Variants in BRSK1 observed in about 807,000 individuals in gnomAD.
BRSK1 encodes serine/threonine-protein kinase BRSK1.
A neutral mutation model predicts 86.2 loss-of-function variants in BRSK1; 17 were observed. The observed-to-expected ratio is 0.20, with a 90% CI of 0.14 to 0.30. The LOEUF (loss-of-function observed/expected upper bound fraction) is 0.30, where lower values mean the gene tolerates loss of function less well. BRSK1 is among the 10% of genes least tolerant of loss of function. The pLI is 1.00. For synonymous variants in BRSK1, 464 were observed against 440.1 expected (o/e 1.05, Z -0.68); for missense variants, 719 against 1,071.9 (o/e 0.67, Z 4.60).
intron 1 of BRSK1, among the ~76,000 whole-genome samples, chr19:55,286,223 GAAT>G (rs2088313884): frequency 6.8e-6 from 1 of 147,060 alleles, no homozygotes; most frequent in Non-Finnish European, 1.5e-5. Flanking sequence ...AGGGAGGATG[GAAT>G]GGGGGCCTGG....
Position 55,294,424 on chromosome 19 carries a change from T to C in BRSK1, c.678+27T>C. ...TAAGGCGCCCTCACCTCTCCTGTCATTTCTAGATCAATCCCACCTGGTGGG... is the reference window on the plus strand; with the variant it reads ...TAAGGCGCCCTCACCTCTCCTGTCACTTCTAGATCAATCCCACCTGGTGGG... On this transcript the variant is annotated intron_variant, in intron 7 of 18. Coordinates refer to ENST00000309383, the MANE Select transcript of BRSK1 (RefSeq NM_032430.2). This position sits in a 1 kb window ranked among gnomAD's most constrained non-coding sequence, Gnocchi z 4.9. 1 of 1,611,990 alleles carries C rather than the reference T, an allele frequency of 6.2e-7. No individual in the cohort carries two copies. Among genetic ancestry groups the C allele is most frequent in the Non-Finnish European group, 8.5e-7 (1 of 1,179,154 alleles).
In BRSK1 at chr19:55,284,286, C is replaced by CT; in HGVS notation, c.-156dup. On this transcript the variant is annotated 5_prime_UTR_variant, in exon 1 of 19. Transcript: ENST00000309383. ...CTCCCCCAGCTCCGCGGCCCGCCGA[C>CT]TGGGGGGGGCCAGCCCAGCCCCCTG... 1.7e-6 allele frequency: 1 copy of CT among 594,060 alleles called. No individual in the cohort carries two copies. The highest frequency in any genetic ancestry group is 1.9e-5 in the African/African-American group (1 of 51,800). The allele number at this position is 594,060 out of a possible 1,614,324, so 36.8% of individuals were successfully genotyped here.
In BRSK1 at chr19:55,303,962, C is replaced by T; in HGVS notation, c.1287-88C>T. 1.3e-6 allele frequency: 2 copies of T among 1,520,368 alleles called. No individual in the cohort carries two copies. The highest frequency in any genetic ancestry group is 1.8e-6 in the Non-Finnish European group (2 of 1,128,852). 94.2% of individuals were successfully genotyped at this position (1,520,368 alleles called of 1,614,324 possible). The stretch of plus-strand genomic sequence containing the variant: ...CCCTCTCTGGGCCTCATTTCCTCAC[C>T]TGGAAGGACTGTAGAAGTGAGGGAA... On this transcript the variant is annotated intron_variant, in intron 12 of 18. Transcript: ENST00000309383. The surrounding 1 kb of genome is among the most constrained non-coding windows in gnomAD (Gnocchi z 5.1).
chr19:55,300,790 A>G (rs2088559539), intron 7 of BRSK1, among the ~76,000 whole-genome samples: 1 of 152,206 alleles, frequency 6.6e-6, no homozygotes, highest in Non-Finnish European at 1.5e-5. Flanking sequence ...GCAGTCAGCC[A>G]AGAACACCTC....
At chr19:55,308,571 G>T in intron 17 of BRSK1, 68 bp from the exon 18 acceptor site, 1 of 1,193,704 alleles carries the variant, frequency 8.4e-7, no homozygotes, top group Non-Finnish European at 1.2e-6. Context: ...ACTGGGTTCT[G>T]CAGGCTGGGA....
At chr19:55,292,902 A>G (rs1351274439) in intron 4 of BRSK1, among the ~76,000 whole-genome samples, 1 of 151,854 alleles carries the variant, frequency 6.6e-6, no homozygotes, top group Non-Finnish European at 1.5e-5. Context: ...CAGCTACTCA[A>G]GAGGCTAAGG....
chr19:55,307,792 TAA>T (rs1179159266), intron 17 of BRSK1, among the ~76,000 whole-genome samples: 4 of 88,310 alleles, frequency 4.5e-5, no homozygotes, highest in African/African-American at 4.9e-5. Flanking sequence ...ACACACAATT[TAA>T]AAAAAAAAAA....
intron 7 of BRSK1, among the ~76,000 whole-genome samples, chr19:55,299,370 GGT>G (rs796346174): frequency 0.019 from 2,391 of 126,902 alleles, 72 homozygotes; most frequent in African/African-American, 0.067. Flanking sequence ...AATTTGTTTT[GGT>G]TTTTTTTTTT....
At position 55,304,898 on chromosome 19, in the gene BRSK1, C is replaced by G; in HGVS notation, c.1695C>G (p.Arg565=). The G allele has an allele frequency of 6.2e-7, 1 of 1,608,918 alleles. No individual in the cohort carries two copies. Among genetic ancestry groups the G allele is most frequent in the Non-Finnish European group, 8.5e-7 (1 of 1,179,790 alleles). Reference sequence around the variant, plus strand: ...GCAACAGCTTCCTGGGCTCCCCTCGCTTTCACCGGCGCAAGATGCAGGGTA... The same window carrying G: ...GCAACAGCTTCCTGGGCTCCCCTCGGTTTCACCGGCGCAAGATGCAGGGTA... The part of the protein sequence containing the change: ...SIRNSFLGSP[R]FHRRKMQVPT... The change falls in exon 14 of 19, where the codon CGC becomes CGG. Residue 565 remains arginine, a synonymous_variant. Transcript: ENST00000309383. This position sits in a 1 kb window ranked among gnomAD's most constrained non-coding sequence, Gnocchi z 5.2.
In BRSK1 at chr19:55,304,536, T is replaced by G. The variant is rs748952383; in HGVS notation, c.1348-15T>G. 3.8e-6 allele frequency: 6 copies of G among 1,559,150 alleles called. No homozygotes were observed. The East Asian group carries it at 1.1e-4, about 30-fold the overall frequency. Reference sequence around the variant, plus strand: ...TGTAGTCCACTCGCTTATCTCAGTCTCCTGTCCTCTGCAGAGTCCGGTCTT... The same window carrying G: ...TGTAGTCCACTCGCTTATCTCAGTCGCCTGTCCTCTGCAGAGTCCGGTCTT... On this transcript the variant is annotated splice_polypyrimidine_tract_variant and intron_variant, in intron 13 of 18. Coordinates refer to ENST00000309383, the MANE Select transcript of BRSK1 (RefSeq NM_032430.2). The surrounding 1 kb of genome is among the most constrained non-coding windows in gnomAD (Gnocchi z 5.2).
chr19:55,310,971 G>C lies in BRSK1; in HGVS notation c.2180-940G>C, dbSNP rs2088777047. Among the ~76,000 whole-genome samples the C allele has an allele frequency of 1.3e-5, 2 of 151,870 alleles. No individual in the cohort carries two copies. Among genetic ancestry groups the C allele is most frequent in the African/African-American group, 2.4e-5 (1 of 41,356 alleles). Reference sequence around the variant, plus strand: ...GACAAGCCCCCCAGTTTTTGTTTTTGTTTTTTTGAGACAGAATCTCCCTCT... The same window carrying C: ...GACAAGCCCCCCAGTTTTTGTTTTTCTTTTTTTGAGACAGAATCTCCCTCT... On this transcript the variant is annotated intron_variant, in intron 18 of 18. Transcript: ENST00000309383. The surrounding 1 kb of genome is among the most constrained non-coding windows in gnomAD (Gnocchi z 5.0).
chr19:55,299,967 G>C (rs1318160344), intron 7 of BRSK1, among the ~76,000 whole-genome samples: 1 of 152,086 alleles, frequency 6.6e-6, no homozygotes, highest in Non-Finnish European at 1.5e-5. Flanking sequence ...GTCCATGGGG[G>C]GTCACCTTGG....
chr19:55,284,138 C>T lies in BRSK1; in HGVS notation c.-305C>T, dbSNP rs2088272388. 5 of 1,174,856 alleles carry T rather than the reference C, an allele frequency of 4.3e-6. No homozygotes were observed. In the South Asian group the frequency reaches 1.7e-4, roughly 40 times the overall value. 72.8% of individuals were successfully genotyped at this position (1,174,856 alleles called of 1,614,324 possible). A position where few individuals can be genotyped will look rare whatever the true frequency, so the allele number is the denominator to read the frequency against. On this transcript the variant is annotated 5_prime_UTR_variant, in exon 1 of 19. Coordinates refer to ENST00000309383, the MANE Select transcript of BRSK1 (RefSeq NM_032430.2). ...CATCCGCCGGCCCGCACCTCAGACC[C>T]CCCCGGCGGGGGGAGGCGCAGGAAG...
chr19:55,307,773 C>CACACAT (rs2088678957), intron 17 of BRSK1, among the ~76,000 whole-genome samples: 1 of 140,688 alleles, frequency 7.1e-6, no homozygotes, highest in African/African-American at 2.7e-5. Flanking sequence ...CACACACACA[C>CACACAT]ACACACACAC....
Position 55,304,400 on chromosome 19 carries a change from C to T in BRSK1, c.1348-151C>T, listed in dbSNP as rs528104973. On this transcript the variant is annotated intron_variant, in intron 13 of 18. Coordinates refer to ENST00000309383, the MANE Select transcript of BRSK1 (RefSeq NM_032430.2). The surrounding 1 kb of genome is among the most constrained non-coding windows in gnomAD (Gnocchi z 5.2). The stretch of plus-strand genomic sequence containing the variant: ...CAGCATGATAGAAAGTCTTTGCTAT[C>T]CTTGCTCTGGGGCCTGGGAAGGAGG... 78 of 1,041,896 alleles carry T rather than the reference C, an allele frequency of 7.5e-5. No homozygotes were observed. Among genetic ancestry groups the T allele is most frequent in the Admixed American group, 1.6e-4 (5 of 31,834 alleles). 64.5% of individuals were successfully genotyped at this position (1,041,896 alleles called of 1,614,324 possible). A position where few individuals can be genotyped will look rare whatever the true frequency, so the allele number is the denominator to read the frequency against.
At position 55,289,549 on chromosome 19, in the gene BRSK1, G is replaced by GC; in HGVS notation, c.390dup (p.Lys131GlnfsTer36). 6.2e-7 allele frequency: 1 copy of GC among 1,614,038 alleles called. No individual in the cohort carries two copies. Among genetic ancestry groups the GC allele is most frequent in the Non-Finnish European group, 8.5e-7 (1 of 1,179,990 alleles). On this transcript the variant is annotated frameshift_variant, in exon 4 of 19. Coordinates refer to ENST00000309383, the MANE Select transcript of BRSK1 (RefSeq NM_032430.2). LOFTEE classifies it high-confidence loss of function. Reference sequence around the variant, plus strand: ...ACCTGGTAAAGAAGGGGAGACTGACGCCCAAGGAGGCCCGAAAGTTCTTCC... The same window carrying GC: ...ACCTGGTAAAGAAGGGGAGACTGACGCCCCAAGGAGGCCCGAAAGTTCTTCC...
rs922438143 is a variant in BRSK1, at chr19:55,304,750, C to A, written c.1547C>A (p.Pro516His). The stretch of plus-strand genomic sequence containing the variant: ...TCCCCGCGCTCCTCTGGCGGGACCC[C>A]CTTGCACTCGCCTCTGCACACGCCC... Reference protein sequence around the residue: ...PGSPRSSGGTPLHSPLHTPRA... With the variant: ...PGSPRSSGGTHLHSPLHTPRA... Residue 516 changes from proline (P) to histidine (H), a missense_variant, in exon 14 of 19, where the codon CCC becomes CAC. Physicochemically the swap from Pro to His is moderately conservative, Grantham distance 77 (BLOSUM62 -2). Coordinates refer to ENST00000309383, the MANE Select transcript of BRSK1 (RefSeq NM_032430.2). This position sits in a 1 kb window ranked among gnomAD's most constrained non-coding sequence, Gnocchi z 5.2. 4 of 1,539,006 alleles carry A rather than the reference C, an allele frequency of 2.6e-6. No individual in the cohort carries two copies. The highest frequency in any genetic ancestry group is 3.5e-6 in the Non-Finnish European group (4 of 1,147,226).
At chr19:55,297,297 G>A (rs1479234006) in intron 7 of BRSK1, among the ~76,000 whole-genome samples, 3 of 151,862 alleles carry the variant, frequency 2.0e-5, no homozygotes, top group African/African-American at 7.3e-5. Context: ...GGCTGGTCTC[G>A]AACTTGACCT....
At chr19:55,296,664 G>GTGAA (rs2088492218) in intron 7 of BRSK1, among the ~76,000 whole-genome samples, 1 of 152,150 alleles carries the variant, frequency 6.6e-6, no homozygotes, top group Non-Finnish European at 1.5e-5. Context: ...GGCTAACGTG[G>GTGAA]TGAAACCCCG....
Sources: gnomAD v4.1 joint callset for allele counts (sites outside exome capture counted in the v4.1 genomes callset) on GRCh38, gnomAD v4.1.1 for gene constraint, Gnocchi (gnomAD v3.1) non-coding constraint, MANE v1.5 for transcripts, NCBI Gene and HGNC (gene_info 2026-07-23, HGNC 2026-07-21) for gene names.